The following RAPGEF5 variants were observed in gnomAD, a reference collection of about 807,000 sequenced individuals.
RAPGEF5 encodes M-Ras-regulated GEF.
In RAPGEF5, 65 loss-of-function variants were observed where a neutral mutation model predicts 125.2. The ratio of observed to expected loss-of-function variants is 0.52; its 90% confidence interval spans 0.43 to 0.64. RAPGEF5 has a LOEUF of 0.64. Among genes scored for constraint, RAPGEF5 ranks in the 30% least tolerant of loss-of-function variants. RAPGEF5 has a pLI of 0.00. For missense variants in RAPGEF5, 958 were observed against 1,048.1 expected (o/e 0.91, Z 1.19); for synonymous variants, 391 against 385.9 (o/e 1.01, Z -0.16).
Position 22,317,968 on chromosome 7 carries a change from A to G in RAPGEF5, c.282+19T>C. On this transcript the variant is annotated intron_variant, in intron 2 of 25. Transcript: ENST00000665637. The stretch of plus-strand genomic sequence containing the variant: ...AATCACTATTTCAGAAAAGGCAGTA[A>G]AAGAGAAAGGAATCATACCTGGGAA... The G allele has an allele frequency of 1.3e-6, 2 of 1,547,544 alleles. No individual in the cohort carries two copies. The highest frequency in any genetic ancestry group is 1.7e-6 in the Non-Finnish European group (2 of 1,146,292).
intron 3 of RAPGEF5, chr7:22,314,732 G>A (rs1226890346): frequency 1.7e-6 from 1 of 597,762 alleles, no homozygotes; most frequent in African/African-American, 2.0e-5. Context: ...ATCTTTATCT[G>A]GCAAAACAAA....
chr7:22,266,899 AGAT>A (rs1163116878), intron 7 of RAPGEF5, 62 bp downstream of exon 7: 2 of 1,479,618 alleles, frequency 1.4e-6, no homozygotes, highest in South Asian at 1.1e-5. Context: ...GCACACTACC[AGAT>A]GATATGTGAA....
Position 22,283,592 on chromosome 7 carries a change from G to C in RAPGEF5, c.747+7583C>G, listed in dbSNP as rs535217656. Among the ~76,000 whole-genome samples the C allele has an allele frequency of 2.6e-5, 4 of 152,266 alleles. No individual in the cohort carries two copies. The East Asian group carries it at 7.7e-4, about 29-fold the overall frequency. ...AACATTCATGGATCATCCTTTTAAAGCTCCGTCGGCTTCTTTCAGAGAAGA... is the reference window on the plus strand; with the variant it reads ...AACATTCATGGATCATCCTTTTAAACCTCCGTCGGCTTCTTTCAGAGAAGA... On this transcript the variant is annotated intron_variant, in intron 6 of 25. Transcript: ENST00000665637.
At chr7:22,238,591 A>G (rs1287395011) in intron 7 of RAPGEF5, among the ~76,000 whole-genome samples, 2 of 152,240 alleles carry the variant, frequency 1.3e-5, no homozygotes. Context: ...AGAATACCTC[A>G]GTCATTACAC....
rs141437690 is a variant in RAPGEF5, at chr7:22,321,320, A to G, written c.232-3283T>C. On this transcript the variant is annotated intron_variant, in intron 1 of 25. Coordinates refer to ENST00000665637, the MANE Select transcript of RAPGEF5 (RefSeq NM_012294.5). ...CATATATTACATTTTTAAGTCAGGTATATATTAAAATTAAAGTGTAATAGT... is the reference window on the plus strand; with the variant it reads ...CATATATTACATTTTTAAGTCAGGTGTATATTAAAATTAAAGTGTAATAGT... Among the ~76,000 whole-genome samples the G allele has an allele frequency of 1.8e-3, 268 of 152,360 alleles. 2 individuals carry two copies. Among genetic ancestry groups the G allele is most frequent in the African/African-American group, 6.2e-3 (258 of 41,582 alleles).
intron 19 of RAPGEF5, among the ~76,000 whole-genome samples, chr7:22,146,359 T>C (rs185086541): frequency 6.6e-6 from 1 of 152,328 alleles, no homozygotes; most frequent in Admixed American, 6.5e-5. Context: ...TATTTCCCAA[T>C]CTATTGTTTT....
Position 22,160,624 on chromosome 7 carries a change from A to C in RAPGEF5, c.1429-9T>G. ...ACATTCCTATATATGGTCTGGAGAAAAAAGACAAATGAGAGCTCAGTGGTT... is the reference window on the plus strand; with the variant it reads ...ACATTCCTATATATGGTCTGGAGAACAAAGACAAATGAGAGCTCAGTGGTT... On this transcript the variant is annotated splice_polypyrimidine_tract_variant and intron_variant, in intron 13 of 25. Transcript: ENST00000665637. 6.6e-7 allele frequency: 1 copy of C among 1,526,152 alleles called. No individual in the cohort carries two copies. Among genetic ancestry groups the C allele is most frequent in the East Asian group, 2.5e-5 (1 of 40,650 alleles). The allele number at this position is 1,526,152 out of a possible 1,614,324, so 94.5% of individuals were successfully genotyped here.
At chr7:22,227,603 G>C (rs1195942004) in intron 8 of RAPGEF5, among the ~76,000 whole-genome samples, 2 of 152,270 alleles carry the variant, frequency 1.3e-5, no homozygotes, top group South Asian at 4.2e-4. Flanking sequence ...ACCTGGGGAG[G>C]CTGAGGTGGG....
At chr7:22,283,759 T>A (rs964270380) in intron 6 of RAPGEF5, among the ~76,000 whole-genome samples, 1 of 152,204 alleles carries the variant, frequency 6.6e-6, no homozygotes, top group African/African-American at 2.4e-5. Flanking sequence ...CAGAAACAGA[T>A]ATTCAAATAT....
chr7:22,155,327 T>C (rs1303271694), intron 16 of RAPGEF5, among the ~76,000 whole-genome samples: 3 of 152,258 alleles, frequency 2.0e-5, no homozygotes, highest in African/African-American at 4.8e-5. Flanking sequence ...AAAAATGTTT[T>C]CTTTATGATA....
chr7:22,310,662 G>GT (rs5882841), intron 3 of RAPGEF5, among the ~76,000 whole-genome samples: 71,793 of 151,798 alleles, frequency 0.47, 17,757 homozygotes, highest in East Asian at 0.87. Flanking sequence ...GTTGTATAGA[G>GT]TTTGTTTGCT....
chr7:22,197,725 T>C (rs1412233764), intron 9 of RAPGEF5, among the ~76,000 whole-genome samples: 2 of 152,200 alleles, frequency 1.3e-5, no homozygotes, highest in Non-Finnish European at 2.9e-5. Context: ...GCAAGTACCC[T>C]ATCTTCTTTG....
chr7:22,193,398 C>T lies in RAPGEF5; in HGVS notation c.1173G>A (p.Leu391=). ...CTTTGTCCTGGACTTCTTCCAGGTGCAAGTCATTCAAAAGGTGCTCCAAAA... is the reference window on the plus strand; with the variant it reads ...CTTTGTCCTGGACTTCTTCCAGGTGTAAGTCATTCAAAAGGTGCTCCAAAA... ...EKILEHLLND[L]HLEEVQDKET... Residue 391 remains leucine (L), a synonymous_variant, in exon 11 of 26, where the codon TTG becomes TTA. Coordinates refer to ENST00000665637, the MANE Select transcript of RAPGEF5 (RefSeq NM_012294.5). 6.3e-7 allele frequency: 1 copy of T among 1,595,736 alleles called. No homozygotes were observed. Among genetic ancestry groups the T allele is most frequent in the Non-Finnish European group, 8.5e-7 (1 of 1,170,532 alleles).
intron 1 of RAPGEF5, chr7:22,356,118 A>T (rs1390697999): frequency 2.0e-6 from 2 of 985,292 alleles, no homozygotes; most frequent in African/African-American, 1.7e-5. Flanking sequence ...TCTTAAAAAT[A>T]CAAAACATGC....
intron 6 of RAPGEF5, among the ~76,000 whole-genome samples, chr7:22,288,974 T>C (rs1782866915): frequency 6.6e-6 from 1 of 152,208 alleles, no homozygotes; most frequent in Non-Finnish European, 1.5e-5. Context: ...TACTTACATT[T>C]TTTCATTGTA....
intron 3 of RAPGEF5, among the ~76,000 whole-genome samples, chr7:22,314,176 A>G (rs978328936): frequency 1.3e-5 from 2 of 152,206 alleles, no homozygotes; most frequent in African/African-American, 4.8e-5. Context: ...ATGGCTCAGA[A>G]GAATATAGAT....
chr7:22,147,519 G>A (rs879597714), intron 18 of RAPGEF5, among the ~76,000 whole-genome samples: 23 of 152,172 alleles, frequency 1.5e-4, no homozygotes, highest in Non-Finnish European at 3.1e-4. Flanking sequence ...AATGCCCATA[G>A]AAAGTAAAAA....
At chr7:22,219,624 G>A (rs1785729345) in intron 9 of RAPGEF5, among the ~76,000 whole-genome samples, 1 of 151,942 alleles carries the variant, frequency 6.6e-6, no homozygotes, top group Admixed American at 6.6e-5. Context: ...TTGCTTAAAT[G>A]TATTCTCATA....
At position 22,145,130 on chromosome 7, in the gene RAPGEF5, C is replaced by G; in HGVS notation, c.2100G>C (p.Gln700His). Reference protein sequence around the residue: ...SLLLQRCNEVQLWVATEILLC... With the variant: ...SLLLQRCNEVHLWVATEILLC... ...GCAGAATCTCCGTGGCCACCCAAAG[C>G]TGGACCTCATTGCATCTCTGGAGCA... is the stretch of plus-strand genomic sequence containing the variant. The change falls in exon 20 of 26, where the codon CAG becomes CAC. Residue 700 changes from glutamine (Q) to histidine (H), a missense_variant. Physicochemically the swap from Gln to His is conservative, Grantham distance 24. Transcript: ENST00000665637. 6.2e-7 allele frequency: 1 copy of G among 1,613,880 alleles called. No individual in the cohort carries two copies. Among genetic ancestry groups the G allele is most frequent in the Non-Finnish European group, 8.5e-7 (1 of 1,179,832 alleles).
Sources: gnomAD v4.1 joint callset for allele counts (sites outside exome capture counted in the v4.1 genomes callset) on GRCh38, gnomAD v4.1.1 for gene constraint, MANE v1.5 for transcripts, NCBI Gene and HGNC (gene_info 2026-07-23, HGNC 2026-07-21) for gene names.